Variants in FUCA2 observed in about 807,000 individuals in gnomAD.
FUCA2 encodes the protein alpha-L-fucosidase 2.
In FUCA2, 41 loss-of-function variants were observed where a neutral mutation model predicts 52.6. The ratio of observed to expected loss-of-function variants is 0.78; its 90% CI spans 0.61 to 1.01. The LOEUF is 1.01. Ranked by LOEUF, FUCA2 falls within the 50% of genes least tolerant of loss-of-function variation. The pLI is 0.00. For missense variants in FUCA2, 507 were observed against 569.5 expected (o/e 0.89, Z 1.12); for synonymous variants, 211 against 217.3 (o/e 0.97, Z 0.26).
chr6:143,508,470 T>C (rs1780641305), intron 1 of FUCA2, among the ~76,000 whole-genome samples: 1 of 152,212 alleles, frequency 6.6e-6, no homozygotes, highest in African/African-American at 2.4e-5. Context: ...TAAGAAGAAA[T>C]AATTGAAGGG....
Position 143,511,705 on chromosome 6 carries a change from C to A in FUCA2, c.-71G>T, listed in dbSNP as rs1584032416. 17 of 1,346,970 alleles carry A rather than the reference C, an allele frequency of 1.3e-5. No individual in the cohort carries two copies. The East Asian group carries it at 4.5e-4, about 35-fold the overall frequency. The allele number at this position is 1,346,970 out of a possible 1,614,324, so 83.4% of individuals were successfully genotyped here. ...CGGGAGCGCTGTTCTTCCGTCTCTGCCGCTGAGTATGCCGCGCCGCGGTCA... is the reference window on the plus strand; with the variant it reads ...CGGGAGCGCTGTTCTTCCGTCTCTGACGCTGAGTATGCCGCGCCGCGGTCA... On this transcript the variant is annotated 5_prime_UTR_variant, in exon 1 of 7. Transcript: ENST00000002165. This position sits in a 1 kb window ranked among gnomAD's most constrained non-coding sequence, Gnocchi z 6.3.
At position 143,502,865 on chromosome 6, in the gene FUCA2, T is replaced by C. The variant is rs1428291376; in HGVS notation, c.753-300A>G. On this transcript the variant is annotated intron_variant, in intron 3 of 6. Coordinates refer to ENST00000002165, the MANE Select transcript of FUCA2 (RefSeq NM_032020.5). This position sits in a 1 kb window ranked among gnomAD's most constrained non-coding sequence, Gnocchi z 4.1. The stretch of plus-strand genomic sequence containing the variant: ...ACATTAGCCTGGTACCCAGCACATA[T>C]AGCACTCATAAGAGTATTATATGAA... The C allele has an allele frequency of 1.1e-5, 3 of 277,214 alleles. No homozygotes were observed. The highest frequency in any genetic ancestry group is 2.3e-3 in the Middle Eastern group (2 of 886). The allele number at this position is 277,214 out of a possible 1,614,324, so 17.2% of individuals were successfully genotyped here.
Position 143,504,506 on chromosome 6 carries a change from A to G in FUCA2, c.413-254T>C. Reference sequence around the variant, plus strand: ...TCACTGTACGGTCTGATCTATCTCCAGTATTTTCCCTCTTAGATTTTAAGG... The same window carrying G: ...TCACTGTACGGTCTGATCTATCTCCGGTATTTTCCCTCTTAGATTTTAAGG... On this transcript the variant is annotated intron_variant, in intron 2 of 6. Coordinates refer to ENST00000002165, the MANE Select transcript of FUCA2 (RefSeq NM_032020.5). This position sits in a 1 kb window ranked among gnomAD's most constrained non-coding sequence, Gnocchi z 4.4. The G allele has an allele frequency of 4.8e-6, 2 of 420,732 alleles. No individual in the cohort carries two copies. The highest frequency in any genetic ancestry group is 8.5e-6 in the Non-Finnish European group (2 of 234,312). The allele number at this position is 420,732 out of a possible 1,614,324, so 26.1% of individuals were successfully genotyped here.
rs757296473 is a variant in FUCA2 at position 143,507,275 on chromosome 6, C to T, written c.374G>A (p.Gly125Asp). Residue 125 changes from glycine to aspartate, a missense_variant, in exon 2 of 7, where the codon GGT becomes GAT. Coordinates refer to ENST00000002165, the MANE Select transcript of FUCA2 (RefSeq NM_032020.5). The surrounding 1 kb of genome is among the most constrained non-coding windows in gnomAD (Gnocchi z 4.5). The part of the protein sequence containing the change: ...NQWADIFQAS[G>D]AKYIVLTSKH... Reference sequence around the variant, plus strand: ...GGAAGTTAAGACAATGTATTTGGCACCAGAGGCCTGAAAAATATCTGCCCA... The same window carrying T: ...GGAAGTTAAGACAATGTATTTGGCATCAGAGGCCTGAAAAATATCTGCCCA... The T allele has an allele frequency of 1.2e-6, 2 of 1,602,320 alleles. No homozygotes were observed. The highest frequency in any genetic ancestry group is 2.3e-5 in the East Asian group (1 of 43,696).
chr6:143,507,794 T>G lies in FUCA2; in HGVS notation c.225-370A>C, dbSNP rs1780628858. Among the ~76,000 whole-genome samples, 1 of 152,058 alleles carries G rather than the reference T, an allele frequency of 6.6e-6. No individual in the cohort carries two copies. Among genetic ancestry groups the G allele is most frequent in the African/African-American group, 2.4e-5 (1 of 41,406 alleles). ...AAGCAATCCTCTCGCCTTAGCCTCC[T>G]GAGTAGCTAGGACCACAGGCACGTG... is the stretch of plus-strand genomic sequence containing the variant. On this transcript the variant is annotated intron_variant, in intron 1 of 6. Coordinates refer to ENST00000002165, the MANE Select transcript of FUCA2 (RefSeq NM_032020.5). The surrounding 1 kb of genome is among the most constrained non-coding windows in gnomAD (Gnocchi z 4.5).
Position 143,495,604 on chromosome 6 carries a change from C to T in FUCA2, c.*103G>A. On this transcript the variant is annotated 3_prime_UTR_variant, in exon 7 of 7. Coordinates refer to ENST00000002165, the MANE Select transcript of FUCA2 (RefSeq NM_032020.5). This position sits in a 1 kb window ranked among gnomAD's most constrained non-coding sequence, Gnocchi z 5.2. ...AGGGCTGAACTGCCAAAATAATTTT[C>T]TTATCCAGTTTTACATTTGCTTTCT... 1 of 1,207,828 alleles carries T rather than the reference C, an allele frequency of 8.3e-7. No individual in the cohort carries two copies. Among genetic ancestry groups the T allele is most frequent in the Non-Finnish European group, 1.1e-6 (1 of 894,920 alleles). 74.8% of individuals were successfully genotyped at this position (1,207,828 alleles called of 1,614,324 possible).
rs963654479 is a variant in FUCA2 at position 143,511,670 on chromosome 6, C to T, written c.-36G>A. The T allele has an allele frequency of 2.1e-6, 3 of 1,434,344 alleles. No individual in the cohort carries two copies. The African/African-American group carries it at 4.4e-5, about 21-fold the overall frequency. The allele number at this position is 1,434,344 out of a possible 1,614,324, so 88.9% of individuals were successfully genotyped here. ...AGGCCGGCTGTCCTCTCTGCAGGCT[C>T]CCGCGGCCTCGGGAGCGCTGTTCTT... On this transcript the variant is annotated 5_prime_UTR_variant, in exon 1 of 7. Coordinates refer to ENST00000002165, the MANE Select transcript of FUCA2 (RefSeq NM_032020.5). The surrounding 1 kb of genome is among the most constrained non-coding windows in gnomAD (Gnocchi z 6.3).
At chr6:143,498,687 T>G (rs1003504567) in intron 5 of FUCA2, among the ~76,000 whole-genome samples, 2 of 151,988 alleles carry the variant, frequency 1.3e-5, no homozygotes, top group African/African-American at 4.8e-5. Flanking sequence ...CTTGTAAGCA[T>G]CTATGGGACC....
Position 143,511,385 on chromosome 6 carries a change from G to T in FUCA2, c.224+26C>A, listed in dbSNP as rs1780680779. ...TGCGGGTGGGGACAAAAGCGCGGCAGACGAGACAAAAGGGAGCGCACTCAC... is the reference window on the plus strand; with the variant it reads ...TGCGGGTGGGGACAAAAGCGCGGCATACGAGACAAAAGGGAGCGCACTCAC... On this transcript the variant is annotated intron_variant, in intron 1 of 6. Transcript: ENST00000002165. This position sits in a 1 kb window ranked among gnomAD's most constrained non-coding sequence, Gnocchi z 6.3. 6.4e-7 allele frequency: 1 copy of T among 1,571,804 alleles called. No individual in the cohort carries two copies. Among genetic ancestry groups the T allele is most frequent in the South Asian group, 1.2e-5 (1 of 86,844 alleles).
At position 143,502,001 on chromosome 6, in the gene FUCA2, A is replaced by C. The variant is rs761512797; in HGVS notation, c.1085T>G (p.Val362Gly). 3.3e-5 allele frequency: 54 copies of C among 1,613,734 alleles called. No homozygotes were observed. The highest frequency in any genetic ancestry group is 4.5e-5 in the Non-Finnish European group (53 of 1,179,914). Residue 362 changes from valine to glycine, a missense_variant, in exon 5 of 7, where the codon GTC becomes GGC. Physicochemically the swap from Val to Gly is moderately radical, Grantham distance 109. Coordinates refer to ENST00000002165, the MANE Select transcript of FUCA2 (RefSeq NM_032020.5). The surrounding 1 kb of genome is among the most constrained non-coding windows in gnomAD (Gnocchi z 4.1). ...RLRQMGSWLK[V>G]NGEAIYETHT... ...GGTTTCATAAATAGCTTCTCCATTGACTTTTAGCCAGGACCCCATTTGCCT... is the reference window on the plus strand; with the variant it reads ...GGTTTCATAAATAGCTTCTCCATTGCCTTTTAGCCAGGACCCCATTTGCCT...
Position 143,511,103 on chromosome 6 carries a change from A to G in FUCA2, c.224+308T>C, listed in dbSNP as rs1453841182. 6.6e-6 allele frequency among the ~76,000 whole-genome samples: 1 copy of G among 152,206 alleles called. No individual in the cohort carries two copies. Among genetic ancestry groups the G allele is most frequent in the African/African-American group, 2.4e-5 (1 of 41,440 alleles). ...GCACAAACTGATGAATGTCTGTAGT[A>G]GCTCGATGTTGTAGTGTCATAACTA... is the stretch of plus-strand genomic sequence containing the variant. On this transcript the variant is annotated intron_variant, in intron 1 of 6. Coordinates refer to ENST00000002165, the MANE Select transcript of FUCA2 (RefSeq NM_032020.5). The surrounding 1 kb of genome is among the most constrained non-coding windows in gnomAD (Gnocchi z 6.3).
In FUCA2 at chr6:143,507,550, A is replaced by G. The variant is rs544687800; in HGVS notation, c.225-126T>C. 1.0e-4 allele frequency: 68 copies of G among 673,000 alleles called. No individual in the cohort carries two copies. Among genetic ancestry groups the G allele is most frequent in the Non-Finnish European group, 1.5e-4 (65 of 420,254 alleles). The allele number at this position is 673,000 out of a possible 1,614,324, so 41.7% of individuals were successfully genotyped here. A position where few individuals can be genotyped will look rare whatever the true frequency, so the allele number is the denominator to read the frequency against. ...CCCAGATTCTCTTTCTCACTTCCCC[A>G]TTAGTTTGACTTGGCTTTAAAGATA... is the stretch of plus-strand genomic sequence containing the variant. On this transcript the variant is annotated intron_variant, in intron 1 of 6. Transcript: ENST00000002165. This position sits in a 1 kb window ranked among gnomAD's most constrained non-coding sequence, Gnocchi z 4.5.
At chr6:143,506,196 T>G (rs1260939705) in intron 2 of FUCA2, 1 of 147,484 alleles carries the variant, frequency 6.8e-6, no homozygotes, top group Admixed American at 6.8e-5. Flanking sequence ...TTTCCCGTTT[T>G]TTTTTTTTTT....
rs1453374593 is a variant in FUCA2, at chr6:143,502,416, G to A, written c.902C>T (p.Ser301Phe). Reference protein sequence around the residue: ...WENCMTIDKLSWGYRREAGIS... With the variant: ...WENCMTIDKLFWGYRREAGIS... ...TCCAGCTTCCCTCCTATAGCCCCAGGACAGTTTGTCTATTGTCATGCAGTT... is the reference window on the plus strand; with the variant it reads ...TCCAGCTTCCCTCCTATAGCCCCAGAACAGTTTGTCTATTGTCATGCAGTT... The change falls in exon 4 of 7, where the codon TCC becomes TTC. Residue 301 changes from serine to phenylalanine, a missense_variant. Physicochemically the swap from Ser to Phe is radical, Grantham distance 155. Transcript: ENST00000002165. The surrounding 1 kb of genome is among the most constrained non-coding windows in gnomAD (Gnocchi z 4.1). 6 of 1,613,862 alleles carry A rather than the reference G, an allele frequency of 3.7e-6. No individual in the cohort carries two copies. Among genetic ancestry groups the A allele is most frequent in the African/African-American group, 1.3e-5 (1 of 74,876 alleles).
In FUCA2 at chr6:143,507,046, A is replaced by T. The variant is rs1205312085; in HGVS notation, c.412+191T>A. 5.6e-6 allele frequency: 3 copies of T among 531,724 alleles called. No homozygotes were observed. Among genetic ancestry groups the T allele is most frequent in the East Asian group, 6.9e-5 (2 of 28,942 alleles). The allele number at this position is 531,724 out of a possible 1,614,324, so 32.9% of individuals were successfully genotyped here. ...TTTCCTCTGTTACGTGGCGGGTATG[A>T]TCCTTTCTGTATTCCTAACATCTCT... On this transcript the variant is annotated intron_variant, in intron 2 of 6. Coordinates refer to ENST00000002165, the MANE Select transcript of FUCA2 (RefSeq NM_032020.5). The surrounding 1 kb of genome is among the most constrained non-coding windows in gnomAD (Gnocchi z 4.5).
At chr6:143,508,717 A>C (rs532619145) in intron 1 of FUCA2, among the ~76,000 whole-genome samples, 2 of 152,326 alleles carry the variant, frequency 1.3e-5, no homozygotes, top group South Asian at 4.1e-4. Flanking sequence ...TCCTGTGACC[A>C]TGAAGGGACA....
Position 143,507,027 on chromosome 6 carries a change from C to G in FUCA2, c.412+210G>C, listed in dbSNP as rs141758526. On this transcript the variant is annotated intron_variant, in intron 2 of 6. Transcript: ENST00000002165. The surrounding 1 kb of genome is among the most constrained non-coding windows in gnomAD (Gnocchi z 4.5). ...GTGACAAAACGTGACCATCTTTCCT[C>G]TGTTACGTGGCGGGTATGATCCTTT... 45 of 499,252 alleles carry G rather than the reference C, an allele frequency of 9.0e-5. No homozygotes were observed. The highest frequency in any genetic ancestry group is 9.5e-5 in the South Asian group (3 of 31,610). The allele number at this position is 499,252 out of a possible 1,614,324, so 30.9% of individuals were successfully genotyped here.
chr6:143,498,643 T>C (rs1780494481), intron 5 of FUCA2, among the ~76,000 whole-genome samples: 1 of 151,904 alleles, frequency 6.6e-6, no homozygotes, highest in Non-Finnish European at 1.5e-5. Flanking sequence ...GCAGATAAGA[T>C]CAGAGAGGCG....
chr6:143,511,440 G>A lies in FUCA2; in HGVS notation c.195C>T (p.Ser65=). ...FGIFIHWGVF[S]VPSFGSEWFW... is the part of the protein sequence containing the mutation. ...ACCACTCGCTACCGAAGCTGGGCAC[G>A]GAAAACACTCCCCAGTGGATGAAGA... The change falls in exon 1 of 7, where the codon TCC becomes TCT. Residue 65 remains serine, a synonymous_variant. Coordinates refer to ENST00000002165, the MANE Select transcript of FUCA2 (RefSeq NM_032020.5). The surrounding 1 kb of genome is among the most constrained non-coding windows in gnomAD (Gnocchi z 6.3). 6.2e-7 allele frequency: 1 copy of A among 1,611,750 alleles called. No homozygotes were observed. Among genetic ancestry groups the A allele is most frequent in the Non-Finnish European group, 8.5e-7 (1 of 1,178,910 alleles).
Sources: gnomAD v4.1 joint callset for allele counts (sites outside exome capture counted in the v4.1 genomes callset) on GRCh38, gnomAD v4.1.1 for gene constraint, Gnocchi (gnomAD v3.1) non-coding constraint, MANE v1.5 for transcripts, NCBI Gene and HGNC (gene_info 2026-07-23, HGNC 2026-07-21) for gene names.